Variants in KCTD8 observed in about 807,000 individuals in gnomAD.
KCTD8 encodes the protein BTB/POZ domain-containing protein KCTD8.
A neutral mutation model predicts 31.5 loss-of-function variants in KCTD8; 27 were observed. That is an observed-to-expected ratio of 0.86 (90% CI 0.63 to 1.18). The LOEUF (loss-of-function observed/expected upper bound fraction) is 1.18, where lower values mean the gene tolerates loss of function less well. KCTD8 is among the 50% of genes most tolerant of loss of function. The pLI is 0.00. For synonymous variants in KCTD8, 290 were observed against 280.0 expected (o/e 1.04, Z -0.36); for missense variants, 658 against 647.7 (o/e 1.02, Z -0.17).
chr4:44,248,682 A>G (rs1277698392), intron 1 of KCTD8, among the ~76,000 whole-genome samples: 1 of 151,846 alleles, frequency 6.6e-6, no homozygotes, highest in African/African-American at 2.4e-5. Flanking sequence ...GTGAAATGGA[A>G]GCAAATGTTA....
intron 1 of KCTD8, among the ~76,000 whole-genome samples, chr4:44,263,995 C>A (rs551571319): frequency 6.6e-5 from 10 of 152,296 alleles, no homozygotes; most frequent in Admixed American, 2.6e-4. Context: ...GACTGTGCCT[C>A]AATAACTTAA....
intron 1 of KCTD8, among the ~76,000 whole-genome samples, chr4:44,421,650 C>A (rs187232437): frequency 1.2e-3 from 187 of 152,094 alleles, no homozygotes; most frequent in African/African-American, 4.0e-3. Flanking sequence ...TTTGGAGAGC[C>A]CTTATTCATA....
intron 1 of KCTD8, among the ~76,000 whole-genome samples, chr4:44,179,220 C>A (rs2220576): frequency 6.6e-6 from 1 of 151,808 alleles, no homozygotes; most frequent in Non-Finnish European, 1.5e-5. Flanking sequence ...CTATATCCCT[C>A]TCTTCTCCTC....
intron 1 of KCTD8, among the ~76,000 whole-genome samples, chr4:44,424,357 T>A (rs1721294621): frequency 6.6e-6 from 1 of 151,988 alleles, no homozygotes; most frequent in African/African-American, 2.4e-5. Flanking sequence ...CCAGCATAGG[T>A]CCCTGCTTTT....
chr4:44,350,702 A>T (rs545051266), intron 1 of KCTD8, among the ~76,000 whole-genome samples: 255 of 152,350 alleles, frequency 1.7e-3, no homozygotes, highest in African/African-American at 5.7e-3. Context: ...TTAGAAGAAC[A>T]TTTGATAACC....
intron 1 of KCTD8, among the ~76,000 whole-genome samples, chr4:44,307,758 A>G (rs57236864): frequency 0.12 from 17,498 of 151,996 alleles, 1,288 homozygotes; most frequent in East Asian, 0.24. Context: ...TAATGAGCAA[A>G]GTAGTAATTA....
intron 1 of KCTD8, among the ~76,000 whole-genome samples, chr4:44,328,979 T>C (rs1279356522): frequency 6.6e-6 from 1 of 151,882 alleles, no homozygotes; most frequent in African/African-American, 2.4e-5. Flanking sequence ...GGGCTTTTGT[T>C]TTCTCATCTA....
chr4:44,408,675 G>A (rs574246709), intron 1 of KCTD8, among the ~76,000 whole-genome samples: 2 of 152,242 alleles, frequency 1.3e-5, no homozygotes, highest in East Asian at 3.9e-4. Context: ...CTGGAGTGGA[G>A]TGGCAGAATT....
intron 1 of KCTD8, among the ~76,000 whole-genome samples, chr4:44,236,607 C>G (rs1386992842): frequency 1.3e-5 from 2 of 152,034 alleles, no homozygotes; most frequent in Non-Finnish European, 2.9e-5. Context: ...AAACTCTTCT[C>G]CACTTGAGAT....
chr4:44,361,881 C>G (rs999141711), intron 1 of KCTD8, among the ~76,000 whole-genome samples: 2 of 151,930 alleles, frequency 1.3e-5, no homozygotes, highest in Non-Finnish European at 2.9e-5. Context: ...ACCTTATAGT[C>G]AGAAAACCAG....
chr4:44,343,838 T>G (rs1718967554), intron 1 of KCTD8, among the ~76,000 whole-genome samples: 1 of 151,900 alleles, frequency 6.6e-6, no homozygotes, highest in East Asian at 1.9e-4. Context: ...ATTACAGGGT[T>G]TTTTTTGTTG....
chr4:44,299,949 C>T (rs1260630087), intron 1 of KCTD8, among the ~76,000 whole-genome samples: 1 of 151,754 alleles, frequency 6.6e-6, no homozygotes, highest in Non-Finnish European at 1.5e-5. Flanking sequence ...GACGGGGTTT[C>T]GCTGTGTTAG....
chr4:44,279,526 C>A (rs1577590578), intron 1 of KCTD8, among the ~76,000 whole-genome samples: 1 of 152,148 alleles, frequency 6.6e-6, no homozygotes, highest in South Asian at 2.1e-4. Flanking sequence ...ACTGGGTCCA[C>A]CAGGATAATC....
chr4:44,408,342 CTATT>C (rs1240689848), intron 1 of KCTD8, among the ~76,000 whole-genome samples: 1 of 152,076 alleles, frequency 6.6e-6, no homozygotes, highest in African/African-American at 2.4e-5. Flanking sequence ...CAAATGATCG[CTATT>C]TATTAAACAA....
intron 1 of KCTD8, among the ~76,000 whole-genome samples, chr4:44,365,719 A>G (rs1417916313): frequency 6.6e-6 from 1 of 152,212 alleles, no homozygotes; most frequent in East Asian, 1.9e-4. Flanking sequence ...AGAATTCTGT[A>G]TTGAAATTTT....
chr4:44,397,364 T>A (rs1346228198), intron 1 of KCTD8, among the ~76,000 whole-genome samples: 1 of 152,180 alleles, frequency 6.6e-6, no homozygotes, highest in African/African-American at 2.4e-5. Flanking sequence ...TATGTTTATA[T>A]GTATATATAT....
chr4:44,223,010 CA>C (rs761994374), intron 1 of KCTD8, among the ~76,000 whole-genome samples: 1 of 151,804 alleles, frequency 6.6e-6, no homozygotes, highest in African/African-American at 2.4e-5. Flanking sequence ...TAGTGCTAAC[CA>C]AAAAAGTAAC....
chr4:44,349,477 T>C (rs2109423848), intron 1 of KCTD8, among the ~76,000 whole-genome samples: 1 of 152,236 alleles, frequency 6.6e-6, no homozygotes, highest in South Asian at 2.1e-4. Flanking sequence ...ACCCTTGCCG[T>C]GTTCTGTCTT....
At chr4:44,247,465 T>C (rs529028561) in intron 1 of KCTD8, among the ~76,000 whole-genome samples, 42 of 151,972 alleles carry the variant, frequency 2.8e-4, no homozygotes, top group Admixed American at 2.8e-3. Context: ...TGTGTGCGTG[T>C]GTGTGTGGAA....
Sources: allele counts gnomAD v4.1 joint callset (sites outside exome capture counted in the v4.1 genomes callset), GRCh38; gene constraint gnomAD v4.1.1; transcripts MANE v1.5; gene names NCBI Gene and HGNC (gene_info 2026-07-23, HGNC 2026-07-21).